The following AKAP13 variants were observed in gnomAD, a reference collection of about 807,000 sequenced individuals.
The protein encoded by AKAP13 is A-kinase anchoring protein 13.
AKAP13 carries 80 observed loss-of-function variants against 264.5 expected under a neutral mutation model. That is an observed-to-expected ratio of 0.30 (90% CI 0.25 to 0.36). The LOEUF (loss-of-function observed/expected upper bound fraction) is 0.36, where lower values mean the gene tolerates loss of function less well. AKAP13 is among the 10% of genes least tolerant of loss of function. The pLI, the probability that AKAP13 is intolerant of heterozygous loss-of-function variation, is 1.00. For synonymous variants in AKAP13, 1,380 were observed against 1,250.2 expected, an observed-to-expected ratio of 1.10 and a Z score of -2.19; for missense variants, 3,712 against 3,435.2, an observed-to-expected ratio of 1.08 and a Z score of -2.01.
chr15:85,454,492 C>G (rs552111093), intron 1 of AKAP13, among the ~76,000 whole-genome samples: 32 of 152,200 alleles, frequency 2.1e-4, no homozygotes, highest in African/African-American at 7.0e-4. Context: ...CTCTGTGGGT[C>G]AAGTTGTTTC....
chr15:85,439,446 T>A (rs2073510973), intron 1 of AKAP13, among the ~76,000 whole-genome samples: 2 of 151,922 alleles, frequency 1.3e-5, no homozygotes. Context: ...GAAATACCAT[T>A]TGACCCAGCC....
At chr15:85,529,289 C>T (rs1329669561) in intron 3 of AKAP13, among the ~76,000 whole-genome samples, 4 of 152,154 alleles carry the variant, frequency 2.6e-5, no homozygotes, top group African/African-American at 7.2e-5. Flanking sequence ...GGCATGGTGG[C>T]GGGTGCCTGT....
rs372649171 is a variant in AKAP13 at position 85,391,582 on chromosome 15, T to C, written c.-12+10784T>C. Among the ~76,000 whole-genome samples the C allele has an allele frequency of 1.5e-4, 22 of 150,728 alleles. No individual in the cohort carries two copies. In the East Asian group the frequency reaches 3.5e-3, roughly 24 times the overall value. On this transcript the variant is annotated intron_variant, in intron 1 of 36. Coordinates refer to ENST00000394518, the MANE Select transcript of AKAP13 (RefSeq NM_007200.5). ...TCACTGCAACCTCTCCCTTCTGGGC[T>C]CAAGTGAGTCTCCCACCTTAGCCTC...
At chr15:85,391,235 C>G (rs950787813) in intron 1 of AKAP13, among the ~76,000 whole-genome samples, 2 of 152,182 alleles carry the variant, frequency 1.3e-5, no homozygotes, top group African/African-American at 4.8e-5. Context: ...TCTAAACATG[C>G]TGAAAACTTT....
intron 1 of AKAP13, among the ~76,000 whole-genome samples, chr15:85,450,687 A>T (rs2074055155): frequency 1.3e-5 from 2 of 149,630 alleles, no homozygotes; most frequent in Admixed American, 6.7e-5. Context: ...CATTGTGTTG[A>T]CTCCTATTTT....
Position 85,719,158 on chromosome 15 carries a change from G to C in AKAP13, c.6084G>C (p.Leu2028=), listed in dbSNP as rs1227097984. Residue 2028 remains leucine, a synonymous_variant, in exon 23 of 37, where the codon CTG becomes CTC. Transcript: ENST00000394518. The part of the protein sequence containing the change: ...GVYSQGMMAD[L]LFEQQMVEKL... Reference sequence around the variant, plus strand: ...ACAGCCAGGGGATGATGGCGGATCTGCTTTTTGAGCAGCAGATGGTAGAAA... The same window carrying C: ...ACAGCCAGGGGATGATGGCGGATCTCCTTTTTGAGCAGCAGATGGTAGAAA... 1 of 1,614,080 alleles carries C rather than the reference G, an allele frequency of 6.2e-7. No individual in the cohort carries two copies. The highest frequency in any genetic ancestry group is 1.3e-5 in the African/African-American group (1 of 74,926).
chr15:85,748,798 AGTG>A lies in AKAP13; in HGVS notation c.*4122_*4124del, dbSNP rs2089442440. ...CACTGGCTGTGTCCCCTGCCACCGA[AGTG>A]AGTGACCTGCCCTACAACCAGGTGG... On this transcript the variant is annotated 3_prime_UTR_variant, in exon 37 of 37. Coordinates refer to ENST00000394518, the MANE Select transcript of AKAP13 (RefSeq NM_007200.5). 6.6e-6 allele frequency: 1 copy of A among 152,300 alleles called. No homozygotes were observed. The highest frequency in any genetic ancestry group is 1.5e-5 in the Non-Finnish European group (1 of 68,096). 9.4% of individuals were successfully genotyped at this position (152,300 alleles called of 1,614,324 possible). A position where few individuals can be genotyped will look rare whatever the true frequency, so the allele number is the denominator to read the frequency against.
At chr15:85,616,146 A>G (rs370570626) in intron 8 of AKAP13, among the ~76,000 whole-genome samples, 1 of 152,234 alleles carries the variant, frequency 6.6e-6, no homozygotes, top group South Asian at 2.1e-4. Flanking sequence ...ACACCCCCAC[A>G]AAAATATTCA....
At chr15:85,605,948 T>C (rs1018059556) in intron 8 of AKAP13, among the ~76,000 whole-genome samples, 4 of 152,170 alleles carry the variant, frequency 2.6e-5, no homozygotes, top group African/African-American at 7.2e-5. Context: ...ATTTATAAGG[T>C]CTAACTACTA....
chr15:85,538,071 T>C (rs1297498202), intron 4 of AKAP13, among the ~76,000 whole-genome samples: 2 of 152,164 alleles, frequency 1.3e-5, no homozygotes, highest in Non-Finnish European at 2.9e-5. Flanking sequence ...GTTTTCCAAG[T>C]CTCACTTAGT....
At chr15:85,442,528 A>AG (rs2073739397) in intron 1 of AKAP13, among the ~76,000 whole-genome samples, 1 of 120,914 alleles carries the variant, frequency 8.3e-6, no homozygotes, top group Non-Finnish European at 1.7e-5. Flanking sequence ...ATTATATTAT[A>AG]TATAATATAT....
At position 85,619,124 on chromosome 15, in the gene AKAP13, T is replaced by A. The variant is rs923058429; in HGVS notation, c.4162-20250T>A. Among the ~76,000 whole-genome samples the A allele has an allele frequency of 2.0e-5, 3 of 152,080 alleles. No homozygotes were observed. The South Asian group carries it at 6.2e-4, about 32-fold the overall frequency. On this transcript the variant is annotated intron_variant, in intron 8 of 36. Transcript: ENST00000394518. ...CAAAGAACTGAGCTGCATCTTGCAA[T>A]GCCTGACAGAGCCTTTTTCATAGGG... is the stretch of plus-strand genomic sequence containing the variant.
At chr15:85,388,311 C>CT (rs1445586013) in intron 1 of AKAP13, among the ~76,000 whole-genome samples, 4 of 152,040 alleles carry the variant, frequency 2.6e-5, no homozygotes, top group African/African-American at 9.7e-5. Flanking sequence ...TCCCAAAGTG[C>CT]TAGGATTACA....
intron 1 of AKAP13, among the ~76,000 whole-genome samples, chr15:85,386,568 C>T (rs1445664496): frequency 6.6e-6 from 1 of 152,112 alleles, no homozygotes; most frequent in East Asian, 1.9e-4. Flanking sequence ...GGATTACAGG[C>T]GTGAGCTATT....
intron 3 of AKAP13, among the ~76,000 whole-genome samples, chr15:85,532,933 G>A (rs933835087): frequency 6.6e-6 from 1 of 152,176 alleles, no homozygotes; most frequent in African/African-American, 2.4e-5. Context: ...ATGCAAACCA[G>A]GTAATTTCAT....
intron 2 of AKAP13, among the ~76,000 whole-genome samples, chr15:85,512,001 C>G (rs1483252547): frequency 2.0e-5 from 3 of 151,996 alleles, no homozygotes; most frequent in Non-Finnish European, 4.4e-5. Context: ...CTTTAACACC[C>G]CCTCACCCCC....
At chr15:85,391,457 G>A (rs2070849201) in intron 1 of AKAP13, among the ~76,000 whole-genome samples, 1 of 151,492 alleles carries the variant, frequency 6.6e-6, no homozygotes, top group African/African-American at 2.4e-5. Context: ...TTTCTGCAGA[G>A]TGTATATTTG....
chr15:85,625,577 C>T (rs1243839360), intron 8 of AKAP13, among the ~76,000 whole-genome samples: 1 of 152,138 alleles, frequency 6.6e-6, no homozygotes, highest in Non-Finnish European at 1.5e-5. Flanking sequence ...TCAGATGTGG[C>T]CAGGCACAGT....
chr15:85,531,165 CCTT>C (rs1743706123), intron 3 of AKAP13, among the ~76,000 whole-genome samples: 1 of 152,182 alleles, frequency 6.6e-6, no homozygotes. Flanking sequence ...TGGCCTAAGT[CCTT>C]CTTAATTGCC....
Sources: allele counts gnomAD v4.1 joint callset (sites outside exome capture counted in the v4.1 genomes callset), GRCh38; gene constraint gnomAD v4.1.1; transcripts MANE v1.5; gene names NCBI Gene and HGNC (gene_info 2026-07-23, HGNC 2026-07-21).